RIPOR3: variants seen among roughly 807,000 people sequenced by gnomAD.
The protein encoded by RIPOR3 is family with sequence similarity 65 member C.
RIPOR3 carries 95 observed loss-of-function variants against 114.3 expected under a neutral mutation model. The ratio of observed to expected loss-of-function variants is 0.83; its 90% CI spans 0.70 to 0.99. The LOEUF (loss-of-function observed/expected upper bound fraction) is 0.99, where lower values mean the gene tolerates loss of function less well. Ranked by LOEUF, RIPOR3 falls within the 50% of genes least tolerant of loss-of-function variation. RIPOR3 has a pLI of 0.00. For missense variants in RIPOR3, 1,252 were observed against 1,266.9 expected (o/e 0.99, Z 0.18); for synonymous variants, 575 against 543.8 (o/e 1.06, Z -0.80).
At chr20:50,615,421 A>G (rs568968266) in intron 4 of RIPOR3, among the ~76,000 whole-genome samples, 2 of 149,636 alleles carry the variant, frequency 1.3e-5, no homozygotes, top group Admixed American at 1.3e-4. Context: ...GTTACTTGGG[A>G]GGCTGAGGTA....
chr20:50,597,826 C>A, intron 13 of RIPOR3, 116 bp from the exon 14 acceptor site: 1 of 1,430,624 alleles, frequency 7.0e-7, no homozygotes, highest in South Asian at 1.4e-5. Flanking sequence ...AGCCCCAATC[C>A]CACACACCGT....
At chr20:50,636,011 C>T (rs2084973421) in intron 1 of RIPOR3, among the ~76,000 whole-genome samples, 1 of 152,248 alleles carries the variant, frequency 6.6e-6, no homozygotes, top group South Asian at 2.1e-4. Context: ...GTGTTGCAGC[C>T]CCAGCCCCTG....
chr20:50,610,005 CT>C (rs2083902260), intron 6 of RIPOR3, among the ~76,000 whole-genome samples: 1 of 134,350 alleles, frequency 7.4e-6, no homozygotes, highest in African/African-American at 2.7e-5. Context: ...CCTGCCACCC[CT>C]GCCTCACCTG....
chr20:50,612,124 C>CAA (rs542382125), intron 4 of RIPOR3, among the ~76,000 whole-genome samples: 17 of 89,176 alleles, frequency 1.9e-4, no homozygotes, highest in African/African-American at 4.8e-4. Context: ...GACTCCATCT[C>CAA]AAAAAAAAAA....
intron 1 of RIPOR3, among the ~76,000 whole-genome samples, chr20:50,652,590 C>CAAAAAAAAAAAAAAAAAAAAA (rs11470456): frequency 8.0e-5 from 7 of 87,310 alleles, no homozygotes; most frequent in Admixed American, 1.4e-4. Context: ...GATTCTGTCT[C>CAAAAAAAAAAAAAAAAAAAAA]AAAAAAAAAA....
At chr20:50,621,402 G>GA (rs1354637745) in intron 2 of RIPOR3, among the ~76,000 whole-genome samples, 2 of 152,144 alleles carry the variant, frequency 1.3e-5, no homozygotes, top group Admixed American at 6.6e-5. Context: ...TGGTTTGGGG[G>GA]AAAGGTAGCC....
chr20:50,641,203 G>A (rs1219956500), intron 1 of RIPOR3, among the ~76,000 whole-genome samples: 3 of 151,748 alleles, frequency 2.0e-5, no homozygotes, highest in East Asian at 1.9e-4. Context: ...GAGCCACCAC[G>A]TCCGGCTCAC....
intron 1 of RIPOR3, among the ~76,000 whole-genome samples, 185 bp downstream of exon 1, chr20:50,690,941 C>G: frequency 6.6e-6 from 1 of 152,200 alleles, no homozygotes; most frequent in East Asian, 1.9e-4. Flanking sequence ...AATAACTTGC[C>G]TAAGGCCACA....
At chr20:50,594,456 A>T in intron 17 of RIPOR3, 97 bp downstream of exon 17, 1 of 1,390,888 alleles carries the variant, frequency 7.2e-7, no homozygotes, top group South Asian at 1.3e-5. Flanking sequence ...AGGTGAAGAC[A>T]GGGCTGAAAT....
chr20:50,623,260 T>TAAAAAAAAAA (rs57108911), intron 2 of RIPOR3, among the ~76,000 whole-genome samples: 1 of 113,264 alleles, frequency 8.8e-6, no homozygotes, highest in Non-Finnish European at 2.0e-5. Flanking sequence ...AACTCTGCCT[T>TAAAAAAAAAA]AAAAAAAAAA....
chr20:50,630,643 G>T, intron 2 of RIPOR3, 95 bp downstream of exon 2: 1 of 1,072,650 alleles, frequency 9.3e-7, no homozygotes. Flanking sequence ...GGGCCTTCGG[G>T]TCTCTGGCAG....
intron 1 of RIPOR3, among the ~76,000 whole-genome samples, chr20:50,667,839 T>G (rs1454821448): frequency 6.6e-6 from 1 of 152,210 alleles, no homozygotes; most frequent in Non-Finnish European, 1.5e-5. Flanking sequence ...GACACGTGCT[T>G]GCTTTGTGAT....
At chr20:50,669,163 G>T (rs1025690973) in intron 1 of RIPOR3, among the ~76,000 whole-genome samples, 11 of 151,940 alleles carry the variant, frequency 7.2e-5, no homozygotes, top group Non-Finnish European at 1.2e-4. Flanking sequence ...ACACATGCAT[G>T]CTCACACATG....
chr20:50,599,903 C>A (rs913798047), intron 13 of RIPOR3, among the ~76,000 whole-genome samples: 1 of 151,452 alleles, frequency 6.6e-6, no homozygotes, highest in South Asian at 2.1e-4. Flanking sequence ...CACACACACA[C>A]TTTTTTTTCT....
Position 50,592,382 on chromosome 20 carries a change from G to A in RIPOR3, c.2539C>T (p.Leu847=). The A allele has an allele frequency of 1.2e-6, 2 of 1,605,528 alleles. No individual in the cohort carries two copies. The highest frequency in any genetic ancestry group is 1.7e-6 in the Non-Finnish European group (2 of 1,174,022). The change falls in exon 19 of 22, where the codon CTG becomes TTG. Residue 847 remains leucine, a synonymous_variant. Transcript: ENST00000327979. ...PRVCRAASAR[L]AGAVRNRSFR... ...CTTCTGTTCCTGACTGCACCAGCCA[G>A]GCGAGCGCTGGCCGCCCTGCACACC...
At chr20:50,663,782 C>A (rs1467602755) in intron 1 of RIPOR3, among the ~76,000 whole-genome samples, 1 of 152,204 alleles carries the variant, frequency 6.6e-6, no homozygotes, top group Non-Finnish European at 1.5e-5. Flanking sequence ...TCCCCCCATC[C>A]AAGACAACCC....
chr20:50,630,839 C>T lies in RIPOR3; in HGVS notation c.21G>A (p.Val7=). The part of the protein sequence containing the change: MVTTMS[V]RLRFLSPGDT... ...CCCCAGGGGACAGGAACCGCAACCT[C>T]ACCGACATGGTGGTCACCTGCAAGG... The change falls in exon 2 of 22, where the codon GTG becomes GTA. Residue 7 remains valine (V), a synonymous_variant. Coordinates refer to ENST00000327979, the MANE Select transcript of RIPOR3 (RefSeq NM_001290268.2). The T allele has an allele frequency of 6.2e-7, 1 of 1,604,962 alleles. No individual in the cohort carries two copies. The highest frequency in any genetic ancestry group is 8.5e-7 in the Non-Finnish European group (1 of 1,176,282).
chr20:50,617,750 C>T (rs981052473), intron 3 of RIPOR3, among the ~76,000 whole-genome samples: 6 of 151,778 alleles, frequency 4.0e-5, no homozygotes, highest in Non-Finnish European at 5.9e-5. Context: ...CTCAGCCTCC[C>T]GAGTAGCTGG....
chr20:50,679,285 AG>A (rs900577910), intron 1 of RIPOR3, among the ~76,000 whole-genome samples: 6 of 149,574 alleles, frequency 4.0e-5, no homozygotes, highest in African/African-American at 1.5e-4. Flanking sequence ...GTTAAAAAAA[AG>A]AATAAAATTT....
Sources: allele counts gnomAD v4.1 joint callset (sites outside exome capture counted in the v4.1 genomes callset), GRCh38; gene constraint gnomAD v4.1.1; transcripts MANE v1.5; gene names NCBI Gene and HGNC (gene_info 2026-07-23, HGNC 2026-07-21).